Variants in DIPK1C observed in about 807,000 individuals in gnomAD.
The protein encoded by DIPK1C is divergent protein kinase domain 1C.
DIPK1C carries 33 observed loss-of-function variants against 28.0 expected under a neutral mutation model. The observed-to-expected ratio is 1.18, with a 90% confidence interval of 0.89 to 1.58. The LOEUF is 1.58. Ranked by LOEUF, DIPK1C falls within the 40% of genes most tolerant of loss-of-function variation. DIPK1C has a pLI of 0.00. For missense variants in DIPK1C, 569 were observed against 568.5 expected, an observed-to-expected ratio of 1.00 and a Z score of -0.01; for synonymous variants, 255 against 248.8, an observed-to-expected ratio of 1.02 and a Z score of -0.23.
chr18:74,449,225 T>C (rs1381705501), intron 1 of DIPK1C, among the ~76,000 whole-genome samples: 1 of 152,230 alleles, frequency 6.6e-6, no homozygotes, highest in Non-Finnish European at 1.5e-5. Flanking sequence ...TGTATCTATA[T>C]GTGTTTGACT....
chr18:74,437,114 G>A (rs1038106191), intron 3 of DIPK1C, among the ~76,000 whole-genome samples: 1 of 152,204 alleles, frequency 6.6e-6, no homozygotes, highest in African/African-American at 2.4e-5. Context: ...AGGGAGGCCG[G>A]CTTTGCTGTT....
chr18:74,463,593 C>T, the DIPK1C span, among the ~76,000 whole-genome samples: 19 of 152,030 alleles, frequency 1.2e-4, 1 homozygote, highest in Non-Finnish European at 2.4e-4. Context: ...CTCACCCCCA[C>T]GTACCCGGCA....
At chr18:74,439,689 A>G (rs1195176045) in intron 3 of DIPK1C, among the ~76,000 whole-genome samples, 1 of 152,132 alleles carries the variant, frequency 6.6e-6, no homozygotes, top group Non-Finnish European at 1.5e-5. Context: ...ATGTGGTGGC[A>G]CACACCTGTA....
At chr18:74,459,062 C>G (rs1986578904), upstream of DIPK1C, among the ~76,000 whole-genome samples, 1 of 152,226 alleles carries the variant, frequency 6.6e-6, no homozygotes, top group African/African-American at 2.4e-5. Flanking sequence ...GTTATCACAC[C>G]ACTGCACTCT....
chr18:74,446,733 G>C lies in DIPK1C; in HGVS notation c.749C>G (p.Ala250Gly). 1.9e-6 allele frequency: 3 copies of C among 1,540,860 alleles called. No homozygotes were observed. The highest frequency in any genetic ancestry group is 2.6e-6 in the Non-Finnish European group (3 of 1,141,648). Residue 250 changes from alanine to glycine, a missense_variant, in exon 2 of 4, where the codon GCC (alanine) becomes GGC (glycine). Transcript: ENST00000343998. ...GAGTGCGATGTCACTGATGGCCTTG[G>C]CCTGGCCACCCCCAGGGGCACCTGG... ...RAPGAPGGGQ[A>G]KAISDIALSF...
At chr18:74,461,024 C>T (rs1196784478), upstream of DIPK1C, among the ~76,000 whole-genome samples, 4 of 152,350 alleles carry the variant, frequency 2.6e-5, no homozygotes, top group South Asian at 2.1e-4. Context: ...GCTGCCCTCA[C>T]GAAGGCCAGT....
At position 74,447,584 on chromosome 18, in the gene DIPK1C, G is replaced by A. The variant is rs1986302924; in HGVS notation, c.199-301C>T. On this transcript the variant is annotated intron_variant, in intron 1 of 3. Coordinates refer to ENST00000343998, the MANE Select transcript of DIPK1C (RefSeq NM_001044369.3). The surrounding 1 kb of genome is among the most constrained non-coding windows in gnomAD (Gnocchi z 4.1). ...CCATCGTTCAGCTGGGTGACTCCGG[G>A]AAAGCCAGAGGCCAGGAAACCAACA... 6.6e-6 allele frequency among the ~76,000 whole-genome samples: 1 copy of A among 152,192 alleles called. No homozygotes were observed. The highest frequency in any genetic ancestry group is 1.5e-5 in the Non-Finnish European group (1 of 68,042).
intron 2 of DIPK1C, among the ~76,000 whole-genome samples, chr18:74,445,412 G>A (rs1599037853): frequency 6.6e-6 from 1 of 152,336 alleles, no homozygotes; most frequent in Admixed American, 6.5e-5. Context: ...AGGGCAGCAG[G>A]GGGCAAGGCA....
Position 74,457,107 on chromosome 18 carries a change from G to C in DIPK1C, c.153C>G (p.Ser51=). 2 of 1,467,988 alleles carry C rather than the reference G, an allele frequency of 1.4e-6. No individual in the cohort carries two copies. Among genetic ancestry groups the C allele is most frequent in the Non-Finnish European group, 1.8e-6 (2 of 1,118,370 alleles). The allele number at this position is 1,467,988 out of a possible 1,614,324, so 90.9% of individuals were successfully genotyped here. A position where few individuals can be genotyped will look rare whatever the true frequency, so the allele number is the denominator to read the frequency against. ...LLLRAHPGVL[S]ERCTDEKSRR... is the part of the protein sequence containing the mutation. ...GGCTCTTCTCGTCGGTGCAGCGCTC[G>C]GAGAGGACACCCGGGTGCGCGCGGA... is the stretch of plus-strand genomic sequence containing the variant. The change falls in exon 1 of 4, where the codon TCC becomes TCG. Residue 51 remains serine, a synonymous_variant. Transcript: ENST00000343998.
At chr18:74,459,479 A>C (rs990348371), upstream of DIPK1C, among the ~76,000 whole-genome samples, 10 of 152,256 alleles carry the variant, frequency 6.6e-5, no homozygotes, top group Non-Finnish European at 1.5e-4. Context: ...TGGAGAGTGC[A>C]GCTTAGGTTG....
intron 3 of DIPK1C, among the ~76,000 whole-genome samples, chr18:74,441,297 G>A (rs1344701584): frequency 2.6e-5 from 4 of 152,154 alleles, no homozygotes; most frequent in Non-Finnish European, 4.4e-5. Flanking sequence ...GGCCTCCTCC[G>A]GGTATGATCA....
At position 74,436,152 on chromosome 18, in the gene DIPK1C, G is replaced by GT. The variant is rs1985985068; in HGVS notation, c.*348_*349insA. The GT allele has an allele frequency of 3.4e-6, 1 of 291,856 alleles. No individual in the cohort carries two copies. Among genetic ancestry groups the GT allele is most frequent in the Non-Finnish European group, 6.5e-6 (1 of 154,468 alleles). 18.1% of individuals were successfully genotyped at this position (291,856 alleles called of 1,614,324 possible). On this transcript the variant is annotated 3_prime_UTR_variant, in exon 4 of 4. Coordinates refer to ENST00000343998, the MANE Select transcript of DIPK1C (RefSeq NM_001044369.3). ...CACGCACACTTTTTAACGTGGTAAC[G>GT]ATTTACAGGAAAGAACAGCTGGAAC...
chr18:74,436,524 C>A lies in DIPK1C; in HGVS notation c.1237G>T (p.Glu413Ter). ...LRQLLQATLR[E>*]LQEAEK is the part of the protein sequence containing the mutation. Reference sequence around the variant, plus strand: ...GGCTACTTCTCTGCCTCCTGCAGCTCCCTCAGTGTGGCTTGGAGGAGTTGG... The same window carrying A: ...GGCTACTTCTCTGCCTCCTGCAGCTACCTCAGTGTGGCTTGGAGGAGTTGG... The change falls in exon 4 of 4, where the codon GAG (glutamate) becomes TAG (stop). Residue 413 changes from glutamate to a stop codon, truncating the protein, a stop_gained. Coordinates refer to ENST00000343998, the MANE Select transcript of DIPK1C (RefSeq NM_001044369.3). LOFTEE classifies it high-confidence loss of function. The A allele has an allele frequency of 6.2e-7, 1 of 1,607,406 alleles. No individual in the cohort carries two copies. The highest frequency in any genetic ancestry group is 1.1e-5 in the South Asian group (1 of 89,834).
At chr18:74,443,865 C>A (rs1415209187) in intron 2 of DIPK1C, among the ~76,000 whole-genome samples, 1 of 152,284 alleles carries the variant, frequency 6.6e-6, no homozygotes, top group African/African-American at 2.4e-5. Flanking sequence ...ATCTCCCCAG[C>A]CTCCCCTGGG....
chr18:74,446,470 G>T, intron 2 of DIPK1C, 136 bp downstream of exon 2: 1 of 740,326 alleles, frequency 1.4e-6, no homozygotes, highest in Non-Finnish European at 1.9e-6. Context: ...TCTGGTAGGT[G>T]GGAGTTCTCT....
intron 3 of DIPK1C, among the ~76,000 whole-genome samples, chr18:74,437,214 C>T (rs1347587840): frequency 5.9e-5 from 9 of 152,064 alleles, no homozygotes; most frequent in East Asian, 3.9e-4. Context: ...CCAAATGGTG[C>T]GTGAGGGAGA....
rs758991333 is a variant in DIPK1C at position 74,442,137 on chromosome 18, G to A, written c.877-21C>T. The A allele has an allele frequency of 5.0e-6, 8 of 1,612,736 alleles. No individual in the cohort carries two copies. In the South Asian group the frequency reaches 6.6e-5, roughly 13 times the overall value. ...ACCACCTGTAATCAAAACAGCACGG[G>A]GCTATCAAAGGGCTACTGGTGGGCT... On this transcript the variant is annotated intron_variant, in intron 2 of 3. Coordinates refer to ENST00000343998, the MANE Select transcript of DIPK1C (RefSeq NM_001044369.3).
In DIPK1C at chr18:74,442,993, G is replaced by A. The variant is rs527568401; in HGVS notation, c.877-877C>T. On this transcript the variant is annotated intron_variant, in intron 2 of 3. Coordinates refer to ENST00000343998, the MANE Select transcript of DIPK1C (RefSeq NM_001044369.3). ...AGTGCCTACGTTCTCTTCATGACAC[G>A]TCTGTTACCTGAGTCAGCTGGCTTT... 5.9e-5 allele frequency among the ~76,000 whole-genome samples: 9 copies of A among 152,328 alleles called. No individual in the cohort carries two copies. In the South Asian group the frequency reaches 6.2e-4, roughly 11 times the overall value.
At position 74,447,123 on chromosome 18, in the gene DIPK1C, T is replaced by C; in HGVS notation, c.359A>G (p.Glu120Gly). 1 of 1,550,516 alleles carries C rather than the reference T, an allele frequency of 6.4e-7. No homozygotes were observed. Among genetic ancestry groups the C allele is most frequent in the South Asian group, 1.2e-5 (1 of 84,058 alleles). ...GRPVVLKSKEEAFSSFPPLSL... is the reference protein window; with the variant it reads ...GRPVVLKSKEGAFSSFPPLSL... ...GAGGGGCGGGAAGCTGGAGAAGGCC[T>C]CCTCCTTGGACTTGAGGACCACGGG... The change falls in exon 2 of 4, where the codon GAG (glutamate) becomes GGG (glycine). Residue 120 changes from glutamate to glycine, a missense_variant. Glu to Gly is a moderately conservative substitution (Grantham distance 98). Transcript: ENST00000343998. This position sits in a 1 kb window ranked among gnomAD's most constrained non-coding sequence, Gnocchi z 4.1.
Sources: gnomAD v4.1 joint callset for allele counts (sites outside exome capture counted in the v4.1 genomes callset) on GRCh38, gnomAD v4.1.1 for gene constraint, Gnocchi (gnomAD v3.1) non-coding constraint, MANE v1.5 for transcripts, NCBI Gene and HGNC (gene_info 2026-07-23, HGNC 2026-07-21) for gene names.